ARAP2: variants seen among roughly 807,000 people sequenced by gnomAD.
The protein encoded by ARAP2 is arf-GAP with Rho-GAP domain, ANK repeat and PH domain-containing protein 2.
A neutral mutation model predicts 194.5 loss-of-function variants in ARAP2; 148 were observed. The ratio of observed to expected loss-of-function variants is 0.76; its 90% CI spans 0.67 to 0.87. The LOEUF is 0.87. Ranked by LOEUF, ARAP2 falls within the 40% of genes least tolerant of loss-of-function variation. The pLI is 0.00. For synonymous variants in ARAP2, 695 were observed against 683.5 expected (o/e 1.02, Z -0.26); for missense variants, 2,128 against 1,989.7 (o/e 1.07, Z -1.32).
chr4:36,025,288 G>C (rs968196819), intron 5 of ARAP2, among the ~76,000 whole-genome samples: 3 of 152,210 alleles, frequency 2.0e-5, no homozygotes, highest in Middle Eastern at 6.8e-3. Flanking sequence ...CCACCATATG[G>C]ATTTTAACAT....
chr4:36,017,494 T>C (rs574526350), intron 6 of ARAP2, among the ~76,000 whole-genome samples: 90 of 133,466 alleles, frequency 6.7e-4, no homozygotes, highest in Non-Finnish European at 1.2e-3. Flanking sequence ...AGTTACTCTT[T>C]TACAAAAAAT....
intron 16 of ARAP2, among the ~76,000 whole-genome samples, chr4:36,149,907 C>T (rs905735222): frequency 6.6e-6 from 1 of 152,034 alleles, no homozygotes; most frequent in Non-Finnish European, 1.5e-5. Context: ...ATATAAAAAT[C>T]TTATTTAAAA....
At chr4:36,219,409 A>C (rs967997741) in intron 2 of ARAP2, among the ~76,000 whole-genome samples, 4 of 152,206 alleles carry the variant, frequency 2.6e-5, no homozygotes, top group Admixed American at 2.0e-4. Flanking sequence ...TGTGAGATAC[A>C]AAAGAGGACC....
chr4:36,044,171 C>T (rs532153786), intron 5 of ARAP2, among the ~76,000 whole-genome samples: 2 of 152,136 alleles, frequency 1.3e-5, no homozygotes, highest in South Asian at 4.2e-4. Flanking sequence ...TCATAAACCA[C>T]CGATGTCAAA....
intron 9 of ARAP2, among the ~76,000 whole-genome samples, chr4:36,010,796 A>G (rs1297205812): frequency 1.3e-5 from 2 of 152,112 alleles, no homozygotes; most frequent in East Asian, 1.9e-4. Flanking sequence ...TGCGGGATAT[A>G]TGGTAAGATA....
At chr4:36,042,304 A>G (rs1235622749) in intron 5 of ARAP2, among the ~76,000 whole-genome samples, 2 of 152,228 alleles carry the variant, frequency 1.3e-5, no homozygotes, top group African/African-American at 4.8e-5. Flanking sequence ...CACTAAGGGT[A>G]GGTCATTAAG....
At chr4:36,232,601 C>G (rs1751704291) in intron 1 of ARAP2, among the ~76,000 whole-genome samples, 1 of 152,158 alleles carries the variant, frequency 6.6e-6, no homozygotes, top group South Asian at 2.1e-4. Context: ...CAATTATTTC[C>G]CTGAGGCAAC....
chr4:36,074,056 C>T (rs1727673376), intron 31 of ARAP2, among the ~76,000 whole-genome samples: 1 of 152,070 alleles, frequency 6.6e-6, no homozygotes, highest in Non-Finnish European at 1.5e-5. Context: ...CAAATACATG[C>T]CTTCTATACT....
intron 1 of ARAP2, among the ~76,000 whole-genome samples, chr4:36,059,111 T>C (rs551607242): frequency 2.3e-4 from 35 of 152,262 alleles, no homozygotes; most frequent in Non-Finnish European, 4.3e-4. Flanking sequence ...GTTTAAAAAA[T>C]AGCAGGTGGT....
chr4:36,181,524 T>C (rs1206069682), intron 8 of ARAP2, among the ~76,000 whole-genome samples: 1 of 152,200 alleles, frequency 6.6e-6, no homozygotes. Flanking sequence ...ATAAGGGCCA[T>C]GCAAAACATC....
chr4:36,039,872 C>T (rs1009337388), intron 5 of ARAP2, among the ~76,000 whole-genome samples: 1 of 152,064 alleles, frequency 6.6e-6, no homozygotes, highest in South Asian at 2.1e-4. Context: ...AATATATTAA[C>T]TCAGCAGAAG....
chr4:36,204,683 T>C (rs1283111063), intron 6 of ARAP2, among the ~76,000 whole-genome samples: 2 of 152,010 alleles, frequency 1.3e-5, no homozygotes, highest in Non-Finnish European at 2.9e-5. Context: ...GATGAATGAG[T>C]ACACATATTA....
intron 8 of ARAP2, among the ~76,000 whole-genome samples, chr4:36,178,627 G>A (rs936022675): frequency 6.6e-6 from 1 of 152,150 alleles, no homozygotes; most frequent in Non-Finnish European, 1.5e-5. Context: ...ACAATGCACT[G>A]TGTTACAGGC....
In ARAP2 at chr4:36,067,713, C is replaced by T; in HGVS notation, c.*194G>A. The T allele has an allele frequency of 1.8e-6, 1 of 561,722 alleles. No homozygotes were observed. The highest frequency in any genetic ancestry group is 2.9e-6 in the Non-Finnish European group (1 of 341,792). 34.8% of individuals were successfully genotyped at this position (561,722 alleles called of 1,614,324 possible). ...GGAACTTTACAAGGTTTGTTCAGAC[C>T]AAAATAAAGTTAATCTTACATTCAG... On this transcript the variant is annotated 3_prime_UTR_variant, in exon 33 of 33. Coordinates refer to ENST00000303965, the MANE Select transcript of ARAP2 (RefSeq NM_015230.4).
intron 2 of ARAP2, among the ~76,000 whole-genome samples, chr4:36,226,553 CT>C (rs890323542): frequency 6.6e-6 from 1 of 151,648 alleles, no homozygotes; most frequent in African/African-American, 2.4e-5. Context: ...ACTTACTGCT[CT>C]TTTTGCAATT....
intron 1 of ARAP2, among the ~76,000 whole-genome samples, chr4:36,241,170 G>A (rs6827601): frequency 0.021 from 3,205 of 152,252 alleles, 70 homozygotes; most frequent in African/African-American, 0.052. Flanking sequence ...TTTTGTATAA[G>A]TGTATATACT....
chr4:36,006,353 A>G (rs1181769306), intron 10 of ARAP2: 1 of 152,214 alleles, frequency 6.6e-6, no homozygotes, highest in Non-Finnish European at 1.5e-5. Context: ...TGTATTATAC[A>G]TTATCGCTGT....
chr4:36,150,782 C>A, intron 16 of ARAP2, 118 bp downstream of exon 16: 1 of 1,135,936 alleles, frequency 8.8e-7, no homozygotes, highest in Non-Finnish European at 1.2e-6. Flanking sequence ...GCTTCAAAAA[C>A]CATTCAACCC....
rs115703835 is a variant in ARAP2, at chr4:36,087,915, T to C, written c.4425+3966A>G. Among the ~76,000 whole-genome samples the C allele has an allele frequency of 6.1e-3, 930 of 152,234 alleles. 2 individuals are homozygous for C. The highest frequency in any genetic ancestry group is 0.02 in the Middle Eastern group (6 of 294). ...TGTGTATGTGATTTTGGACAAGTTA[T>C]GTAATGTCTTTGAGAGTCTTTCTTC... On this transcript the variant is annotated intron_variant, in intron 28 of 32. Transcript: ENST00000303965.
Sources: gnomAD v4.1 joint callset for allele counts (sites outside exome capture counted in the v4.1 genomes callset) on GRCh38, gnomAD v4.1.1 for gene constraint, MANE v1.5 for transcripts, NCBI Gene and HGNC (gene_info 2026-07-23, HGNC 2026-07-21) for gene names.